Variants in TMEM232 observed in about 807,000 individuals in gnomAD.
TMEM232 encodes the protein transmembrane protein 232.
Under a neutral mutation model 78.8 loss-of-function variants are expected in TMEM232, and 80 were observed. The ratio of observed to expected loss-of-function variants is 1.01; its 90% CI spans 0.85 to 1.22. TMEM232 has a LOEUF of 1.22. TMEM232 is among the 50% of genes most tolerant of loss of function. The pLI is 0.00. For synonymous variants in TMEM232, 297 were observed against 254.3 expected, an observed-to-expected ratio of 1.17 and a Z score of -1.60; for missense variants, 881 against 742.2, an observed-to-expected ratio of 1.19 and a Z score of -2.17.
intron 1 of TMEM232, among the ~76,000 whole-genome samples, chr5:110,692,593 C>T (rs1380290848): frequency 6.6e-6 from 1 of 152,220 alleles, no homozygotes; most frequent in Non-Finnish European, 1.5e-5. Flanking sequence ...TATCGGGTCA[C>T]TCCCACCCTA....
chr5:110,548,335 A>T (rs1273975537), intron 11 of TMEM232, among the ~76,000 whole-genome samples: 2 of 149,534 alleles, frequency 1.3e-5, no homozygotes, highest in African/African-American at 4.9e-5. Context: ...TAAATATTAA[A>T]TATTATTAAT....
intron 1 of TMEM232, among the ~76,000 whole-genome samples, chr5:110,687,380 A>G (rs901297013): frequency 2.6e-5 from 4 of 152,086 alleles, no homozygotes; most frequent in African/African-American, 9.7e-5. Context: ...TCTGACCCAA[A>G]TAAACTCTCT....
intron 11 of TMEM232, among the ~76,000 whole-genome samples, chr5:110,534,446 T>C (rs954548524): frequency 1.2e-4 from 19 of 152,198 alleles, no homozygotes; most frequent in African/African-American, 4.1e-4. Flanking sequence ...TTCAGGCCTG[T>C]CCTCAGAATG....
intron 11 of TMEM232, among the ~76,000 whole-genome samples, chr5:110,538,175 T>C (rs1212838447): frequency 6.6e-6 from 1 of 152,190 alleles, no homozygotes; most frequent in African/African-American, 2.4e-5. Context: ...AGCCATGGAC[T>C]TATGGCAGGC....
intron 10 of TMEM232, among the ~76,000 whole-genome samples, chr5:110,595,376 G>T (rs1415276763): frequency 2.0e-5 from 3 of 152,156 alleles, no homozygotes; most frequent in Non-Finnish European, 4.4e-5. Flanking sequence ...TCCTCCAAAT[G>T]ATCGCAACTC....
chr5:110,568,516 C>A lies in TMEM232; in HGVS notation c.1386G>T (p.Trp462Cys). The A allele has an allele frequency of 1.3e-6, 2 of 1,549,150 alleles. No homozygotes were observed. Among genetic ancestry groups the A allele is most frequent in the Non-Finnish European group, 1.7e-6 (2 of 1,145,592 alleles). ...AATCCTTTGTTTTCTGCAATGTTTG[C>A]CATATCATGTTTCTAAGTCCATCCT... ...EEQDGLRNMI[W>C]QTLQKTKDYE... Residue 462 changes from tryptophan to cysteine, a missense_variant, in exon 11 of 14, where the codon TGG (tryptophan) becomes TGT (cysteine). By Grantham distance (215) the Trp-to-Cys change is radical. Transcript: ENST00000455884.
At chr5:110,511,225 G>T (rs1238998379) in intron 12 of TMEM232, among the ~76,000 whole-genome samples, 1 of 152,012 alleles carries the variant, frequency 6.6e-6, no homozygotes, top group Middle Eastern at 3.2e-3. Flanking sequence ...GTTCTCACTC[G>T]TAAGTGGGAG....
At chr5:110,560,459 G>C (rs1428510959) in intron 11 of TMEM232, among the ~76,000 whole-genome samples, 1 of 152,090 alleles carries the variant, frequency 6.6e-6, no homozygotes, top group East Asian at 1.9e-4. Context: ...TAATGTGAAA[G>C]GTTCACAGGG....
chr5:110,401,693 A>G (rs2112569812), intron 2 of TMEM232, among the ~76,000 whole-genome samples: 1 of 152,254 alleles, frequency 6.6e-6, no homozygotes, highest in Non-Finnish European at 1.5e-5. Context: ...ATGTAGGTCA[A>G]GAGCAGAATG....
intron 1 of TMEM232, among the ~76,000 whole-genome samples, chr5:110,707,299 C>T (rs1199193314): frequency 3.3e-5 from 5 of 152,156 alleles, no homozygotes; most frequent in African/African-American, 1.2e-4. Context: ...TACCCCATTC[C>T]CCAGCCGATG....
chr5:110,705,247 G>T (rs781304190), intron 1 of TMEM232, among the ~76,000 whole-genome samples: 3 of 152,122 alleles, frequency 2.0e-5, no homozygotes, highest in Non-Finnish European at 4.4e-5. Flanking sequence ...AAACATGTTT[G>T]ATAACACAGC....
At chr5:110,402,652 G>A (rs376813620) in intron 2 of TMEM232, among the ~76,000 whole-genome samples, 8 of 152,102 alleles carry the variant, frequency 5.3e-5, no homozygotes, top group African/African-American at 1.9e-4. Flanking sequence ...GGATTGCAAA[G>A]TAGAGTGACA....
intron 3 of TMEM232, among the ~76,000 whole-genome samples, chr5:110,395,117 G>A (rs539071720): frequency 6.6e-6 from 1 of 152,260 alleles, no homozygotes; most frequent in Non-Finnish European, 1.5e-5. Context: ...CAGGGGCATA[G>A]AGATTTATTG....
intron 12 of TMEM232, among the ~76,000 whole-genome samples, chr5:110,439,764 C>T (rs1287043544): frequency 6.6e-6 from 1 of 151,984 alleles, no homozygotes; most frequent in African/African-American, 2.4e-5. Flanking sequence ...TCAAAATACC[C>T]AGTGGCTATG....
chr5:110,552,843 G>C (rs1221998654), intron 11 of TMEM232, among the ~76,000 whole-genome samples: 1 of 152,036 alleles, frequency 6.6e-6, no homozygotes, highest in Non-Finnish European at 1.5e-5. Context: ...GTATTCCCTA[G>C]GCTTTCTGCT....
At chr5:110,570,747 T>C (rs1206491270) in intron 10 of TMEM232, among the ~76,000 whole-genome samples, 1 of 152,028 alleles carries the variant, frequency 6.6e-6, no homozygotes, top group African/African-American at 2.4e-5. Flanking sequence ...ATCCACGTTG[T>C]GGAAACTGAC....
chr5:110,627,321 CA>C (rs1784542941), intron 6 of TMEM232, among the ~76,000 whole-genome samples: 1 of 151,584 alleles, frequency 6.6e-6, no homozygotes. Context: ...AACTGAGTCA[CA>C]AAAAAGCTCA....
chr5:110,620,687 C>G (rs139033482), intron 7 of TMEM232, among the ~76,000 whole-genome samples: 1 of 146,144 alleles, frequency 6.8e-6, no homozygotes, highest in East Asian at 2.1e-4. Flanking sequence ...CTCTCTCCCT[C>G]TCTCGGCAAC....
At chr5:110,702,611 A>C (rs148907527) in intron 1 of TMEM232, among the ~76,000 whole-genome samples, 1,850 of 152,156 alleles carry the variant, frequency 0.012, 47 homozygotes, top group African/African-American at 0.042. Context: ...TGATGAGATA[A>C]CTCATTACTG....
Sources: allele counts gnomAD v4.1 joint callset (sites outside exome capture counted in the v4.1 genomes callset), GRCh38; gene constraint gnomAD v4.1.1; transcripts MANE v1.5; gene names NCBI Gene and HGNC (gene_info 2026-07-23, HGNC 2026-07-21).